The following PLCH1 variants were observed in gnomAD, a reference collection of about 807,000 sequenced individuals.
PLCH1 encodes the protein 1-phosphatidylinositol 4,5-bisphosphate phosphodiesterase eta-1.
PLCH1 carries 60 observed loss-of-function variants against 126.7 expected under a neutral mutation model. That is an observed-to-expected ratio of 0.47 (90% CI 0.38 to 0.59). The LOEUF is 0.59. Among genes scored for constraint, PLCH1 ranks in the 20% least tolerant of loss-of-function variants. PLCH1 has a pLI of 0.00. For synonymous variants in PLCH1, 719 were observed against 734.9 expected (o/e 0.98, Z 0.35); for missense variants, 1,723 against 2,040.0 (o/e 0.84, Z 2.99).
chr3:155,485,687 C>T lies in PLCH1; in HGVS notation c.2643G>A (p.Lys881=). The T allele has an allele frequency of 6.2e-7, 1 of 1,600,724 alleles. No homozygotes were observed. Among genetic ancestry groups the T allele is most frequent in the Non-Finnish European group, 8.5e-7 (1 of 1,178,320 alleles). Residue 881 remains lysine (K), a synonymous_variant, in exon 22 of 23, where the codon AAG becomes AAA. Transcript: ENST00000460012. ...GCCTAGGATTCTTATTGAACAGTCCCTTCAGACCCTGGAGTTGTCTGTTCT... is the reference window on the plus strand; with the variant it reads ...GCCTAGGATTCTTATTGAACAGTCCTTTCAGACCCTGGAGTTGTCTGTTCT... ...YGKNRQLQGL[K]GLFNKNPRHS... is the part of the protein sequence containing the mutation.
intron 8 of PLCH1, among the ~76,000 whole-genome samples, chr3:155,554,638 A>T (rs1348772448): frequency 1.3e-5 from 2 of 152,144 alleles, no homozygotes; most frequent in African/African-American, 2.4e-5. Flanking sequence ...ATTATTGTTC[A>T]CTTAGGCTCA....
rs751665863 is a variant in PLCH1, at chr3:155,481,672, G to A, written c.4354C>T (p.Pro1452Ser). The A allele has an allele frequency of 1.9e-6, 3 of 1,614,124 alleles. No homozygotes were observed. In the South Asian group the frequency reaches 3.3e-5, roughly 18 times the overall value. The part of the protein sequence containing the change: ...SDAKMFQTCV[P>S]QQSSAQDMHV... ...ATATCTTGAGCACTAGATTGCTGGG[G>A]CACACAGGTCTGGAACATTTTTGCA... The change falls in exon 23 of 23, where the codon CCC becomes TCC. Residue 1452 changes from proline (P) to serine (S), a missense_variant. Around this residue, in one of 2 missense-constraint regions of PLCH1, gnomAD observed 947 missense variants for 977.1 expected, o/e 0.97. Transcript: ENST00000460012. This position sits in a 1 kb window ranked among gnomAD's most constrained non-coding sequence, Gnocchi z 4.2.
At chr3:155,465,422 G>A (rs1359154619) in intron 21 of PLCH1, among the ~76,000 whole-genome samples, 1 of 151,978 alleles carries the variant, frequency 6.6e-6, no homozygotes, top group Admixed American at 6.6e-5. Context: ...ACCAGTACCA[G>A]CAGCATTCAT....
At chr3:155,473,775 A>G (rs1713395016) in intron 21 of PLCH1, among the ~76,000 whole-genome samples, 1 of 151,186 alleles carries the variant, frequency 6.6e-6, no homozygotes, top group Non-Finnish European at 1.5e-5. Flanking sequence ...AACACCACAT[A>G]TCTACAACTA....
intron 2 of PLCH1, among the ~76,000 whole-genome samples, chr3:155,682,781 A>G (rs1356543697): frequency 6.6e-6 from 1 of 152,242 alleles, no homozygotes; most frequent in East Asian, 1.9e-4. Context: ...TTGCTAGACA[A>G]CAGGATAACA....
At chr3:155,555,415 G>A (rs1726696336) in intron 8 of PLCH1, among the ~76,000 whole-genome samples, 1 of 152,192 alleles carries the variant, frequency 6.6e-6, no homozygotes, top group Non-Finnish European at 1.5e-5. Flanking sequence ...CTCTTCTGCT[G>A]TGACTTTAGA....
At chr3:155,569,130 G>A (rs1399198787) in intron 6 of PLCH1, among the ~76,000 whole-genome samples, 1 of 152,026 alleles carries the variant, frequency 6.6e-6, no homozygotes, top group Non-Finnish European at 1.5e-5. Context: ...TATATGCTGA[G>A]TGTCACTGGG....
At chr3:155,639,049 C>T (rs1325218485) in intron 2 of PLCH1, among the ~76,000 whole-genome samples, 1 of 152,036 alleles carries the variant, frequency 6.6e-6, no homozygotes, top group Non-Finnish European at 1.5e-5. Context: ...ATTACAGCAC[C>T]TTAAACAGTG....
intron 2 of PLCH1, among the ~76,000 whole-genome samples, chr3:155,610,584 T>A (rs7641141): frequency 6.6e-6 from 1 of 151,748 alleles, no homozygotes; most frequent in African/African-American, 2.4e-5. Flanking sequence ...AAGATAATTA[T>A]CAGCCAAGAA....
At position 155,481,097 on chromosome 3, in the gene PLCH1, G is replaced by GC. The variant is rs754591745; in HGVS notation, c.4928dup (p.Ile1644HisfsTer15). 1 of 1,614,216 alleles carries GC rather than the reference G, an allele frequency of 6.2e-7. No homozygotes were observed. The highest frequency in any genetic ancestry group is 8.5e-7 in the Non-Finnish European group (1 of 1,180,024). On this transcript the variant is annotated frameshift_variant, in exon 23 of 23. Coordinates refer to ENST00000460012, the MANE Select transcript of PLCH1 (RefSeq NM_014996.4). LOFTEE classifies it low-confidence loss of function (END_TRUNC). This position sits in a 1 kb window ranked among gnomAD's most constrained non-coding sequence, Gnocchi z 4.2. Reference sequence around the variant, plus strand: ...GAGCCGTGCATGCCCCCTCTGGGATGCCCCGGCCTTCAAGGCCACCCCCTT... The same window carrying GC: ...GAGCCGTGCATGCCCCCTCTGGGATGCCCCCGGCCTTCAAGGCCACCCCCTT...
At chr3:155,510,985 A>G (rs1032671199) in intron 12 of PLCH1, among the ~76,000 whole-genome samples, 1 of 126,050 alleles carries the variant, frequency 7.9e-6, no homozygotes, top group African/African-American at 3.6e-5. Flanking sequence ...CATCACTTTC[A>G]GGTACACCAA....
At chr3:155,471,344 T>C (rs1576768158) in intron 21 of PLCH1, among the ~76,000 whole-genome samples, 1 of 152,002 alleles carries the variant, frequency 6.6e-6, no homozygotes, top group South Asian at 2.1e-4. Flanking sequence ...CATTACATAA[T>C]GGTAAAGGGA....
chr3:155,624,777 C>T (rs1482456216), intron 2 of PLCH1, among the ~76,000 whole-genome samples: 14 of 152,026 alleles, frequency 9.2e-5, no homozygotes, highest in Non-Finnish European at 1.6e-4. Flanking sequence ...TCCATGCTCA[C>T]GGATAGGAAG....
chr3:155,682,275 C>T (rs186784410), intron 2 of PLCH1, among the ~76,000 whole-genome samples: 4 of 152,238 alleles, frequency 2.6e-5, no homozygotes, highest in East Asian at 3.9e-4. Context: ...ATAGTTCATG[C>T]CTTTGGCCTA....
intron 1 of PLCH1, among the ~76,000 whole-genome samples, chr3:155,733,822 A>G (rs1280273327): frequency 6.6e-6 from 1 of 151,260 alleles, no homozygotes; most frequent in Non-Finnish European, 1.5e-5. Flanking sequence ...CAAAATACAA[A>G]AGGAACTCAA....
chr3:155,617,809 T>G (rs1735977066), intron 2 of PLCH1, among the ~76,000 whole-genome samples: 1 of 152,164 alleles, frequency 6.6e-6, no homozygotes, highest in African/African-American at 2.4e-5. Flanking sequence ...CTCACATACC[T>G]TCTCTACCCA....
At chr3:155,490,317 A>G (rs1335827684) in intron 19 of PLCH1, among the ~76,000 whole-genome samples, 1 of 152,184 alleles carries the variant, frequency 6.6e-6, no homozygotes, top group Non-Finnish European at 1.5e-5. Flanking sequence ...TGCCCCTCCA[A>G]TCGTATGTAA....
intron 1 of PLCH1, among the ~76,000 whole-genome samples, chr3:155,740,280 G>A (rs140600521): frequency 1.3e-5 from 2 of 151,992 alleles, no homozygotes; most frequent in Non-Finnish European, 2.9e-5. Context: ...GCATGATGGC[G>A]GGCGCCTGTA....
intron 8 of PLCH1, among the ~76,000 whole-genome samples, chr3:155,557,203 CTTTAA>C (rs1011418279): frequency 2.2e-4 from 33 of 152,180 alleles, no homozygotes; most frequent in African/African-American, 7.7e-4. Context: ...ACTTGACAGT[CTTTAA>C]TTTGTCTCTG....
Sources: allele counts gnomAD v4.1 joint callset (sites outside exome capture counted in the v4.1 genomes callset), GRCh38; gene constraint gnomAD v4.1.1; regional missense constraint gnomAD v4.1.1; non-coding constraint Gnocchi (gnomAD v3.1); transcripts MANE v1.5; gene names NCBI Gene and HGNC (gene_info 2026-07-23, HGNC 2026-07-21).